STPG2: variants seen among roughly 807,000 people sequenced by gnomAD.
STPG2 encodes sperm-tail PG-rich repeat-containing protein 2.
Under a neutral mutation model 54.2 loss-of-function variants are expected in STPG2, and 56 were observed. That is an observed-to-expected ratio of 1.03 (90% CI 0.83 to 1.29). The LOEUF is 1.29. Ranked by LOEUF, STPG2 falls within the 50% of genes most tolerant of loss-of-function variation. STPG2 has a pLI of 0.00. For synonymous variants in STPG2, 200 were observed against 181.8 expected (o/e 1.10, Z -0.81); for missense variants, 596 against 544.9 (o/e 1.09, Z -0.93).
intron 4 of STPG2, among the ~76,000 whole-genome samples, chr4:97,514,053 G>A (rs1731027186): frequency 6.6e-6 from 1 of 152,140 alleles, no homozygotes; most frequent in Non-Finnish European, 1.5e-5. Context: ...GACAAAATCA[G>A]TTGCCACTGA....
chr4:97,703,162 A>G (rs971498268), intron 10 of STPG2, among the ~76,000 whole-genome samples: 28 of 152,072 alleles, frequency 1.8e-4, no homozygotes, highest in South Asian at 1.0e-3. Context: ...TGTCAAATGC[A>G]TTTATTTTGC....
intron 9 of STPG2, among the ~76,000 whole-genome samples, chr4:97,826,199 C>G (rs112551468): frequency 1.1e-4 from 17 of 152,220 alleles, no homozygotes; most frequent in Non-Finnish European, 1.5e-5. Context: ...CAGTGTAACA[C>G]GTAGTTGAGA....
In STPG2 at chr4:97,909,946, GATA is replaced by G. The variant is rs1322637932; in HGVS notation, c.1044+33948_1044+33950del. Reference sequence around the variant, plus strand: ...TGCCAATGCCACTACACTAAAACATGATAATAATAATAATATTCATAGGATTTG... The same window carrying G: ...TGCCAATGCCACTACACTAAAACATGATAATAATAATATTCATAGGATTTG... On this transcript the variant is annotated intron_variant, in intron 8 of 10. Coordinates refer to ENST00000295268, the MANE Select transcript of STPG2 (RefSeq NM_174952.3). 2.6e-5 allele frequency among the ~76,000 whole-genome samples: 4 copies of G among 151,980 alleles called. No homozygotes were observed. The East Asian group carries it at 5.8e-4, about 22-fold the overall frequency.
intron 10 of STPG2, among the ~76,000 whole-genome samples, chr4:97,563,677 T>A (rs905493307): frequency 2.0e-5 from 3 of 152,222 alleles, no homozygotes; most frequent in Non-Finnish European, 4.4e-5. Context: ...TCTTTATTTC[T>A]GCCTTCATTT....
At chr4:98,082,421 T>C (rs561524031) in intron 5 of STPG2, among the ~76,000 whole-genome samples, 2 of 140,210 alleles carry the variant, frequency 1.4e-5, no homozygotes, top group South Asian at 2.6e-4. Context: ...ATCTTTCCCA[T>C]GTGCAGGTCC....
chr4:98,026,947 C>T (rs1736442836), intron 5 of STPG2, among the ~76,000 whole-genome samples: 1 of 152,278 alleles, frequency 6.6e-6, no homozygotes, highest in South Asian at 2.1e-4. Flanking sequence ...TCAACATTCA[C>T]ATTATTGGTG....
At chr4:97,619,824 A>ATTT (rs113041695) in intron 10 of STPG2, among the ~76,000 whole-genome samples, 4 of 130,320 alleles carry the variant, frequency 3.1e-5, no homozygotes, top group Non-Finnish European at 6.9e-5. Context: ...TTCTTTTTCT[A>ATTT]TTTTTTTTTT....
chr4:98,092,583 A>G (rs1031422901), intron 5 of STPG2, among the ~76,000 whole-genome samples: 12 of 152,042 alleles, frequency 7.9e-5, no homozygotes, highest in African/African-American at 2.9e-4. Context: ...AAACACAGAA[A>G]GTTTTAAATT....
chr4:98,073,427 G>GA (rs5860521), intron 5 of STPG2, among the ~76,000 whole-genome samples: 60,138 of 151,862 alleles, frequency 0.4, 12,160 homozygotes, highest in Middle Eastern at 0.46. Context: ...TTTGATGATA[G>GA]AAAAAATAAT....
intron 10 of STPG2, among the ~76,000 whole-genome samples, chr4:97,709,061 C>T (rs1400196176): frequency 6.6e-6 from 1 of 151,686 alleles, no homozygotes; most frequent in East Asian, 1.9e-4. Context: ...GTTTATCAAT[C>T]TAAAATGTGA....
chr4:97,582,866 C>CTA (rs1426328337), intron 10 of STPG2, among the ~76,000 whole-genome samples: 2 of 151,952 alleles, frequency 1.3e-5, no homozygotes, highest in Non-Finnish European at 2.9e-5. Context: ...ATGTGAAATG[C>CTA]TATCATAAGC....
intron 9 of STPG2, among the ~76,000 whole-genome samples, chr4:97,790,782 T>G (rs1445888794): frequency 6.6e-6 from 1 of 152,174 alleles, no homozygotes; most frequent in East Asian, 1.9e-4. Context: ...TGGGCCCACC[T>G]GAATAGTCCA....
At chr4:97,870,105 C>G (rs1465350657) in intron 8 of STPG2, among the ~76,000 whole-genome samples, 1 of 151,574 alleles carries the variant, frequency 6.6e-6, no homozygotes, top group Non-Finnish European at 1.5e-5. Flanking sequence ...AACTTCTGCC[C>G]TGTCCTCTCT....
chr4:97,468,492 A>C (rs1206619091), intron 4 of STPG2, among the ~76,000 whole-genome samples: 1 of 151,974 alleles, frequency 6.6e-6, no homozygotes, highest in South Asian at 2.1e-4. Context: ...AGCATCAGTC[A>C]TCTCCTTTTG....
At chr4:97,456,891 C>CAAAA (rs57563048) in intron 4 of STPG2, among the ~76,000 whole-genome samples, 33 of 48,888 alleles carry the variant, frequency 6.8e-4, no homozygotes, top group African/African-American at 3.3e-3. Context: ...TGCTCCGTCT[C>CAAAA]AAAAAAAAAA....
In STPG2 at chr4:97,478,769, T is replaced by C. The variant is rs138030246; in HGVS notation, c.462+233930A>G. Among the ~76,000 whole-genome samples, 280 of 152,100 alleles carry C rather than the reference T, an allele frequency of 1.8e-3. 1 individual carries two copies. Among genetic ancestry groups the C allele is most frequent in the African/African-American group, 6.4e-3 (267 of 41,544 alleles). On this transcript the variant is annotated intron_variant, in intron 4 of 4. Transcript: ENST00000522676. ...TGACTAAAAAAAATGAGGAAGGGCT[T>C]GTTAACTGTATCGCTAGACTTACCA... is the stretch of plus-strand genomic sequence containing the variant.
At chr4:97,692,520 A>G (rs1299905344) in intron 10 of STPG2, among the ~76,000 whole-genome samples, 1 of 152,178 alleles carries the variant, frequency 6.6e-6, no homozygotes, top group African/African-American at 2.4e-5. Flanking sequence ...TAAAAAATGT[A>G]CAAAGCCTCC....
In STPG2 at chr4:97,981,182, T is replaced by C; in HGVS notation, c.749A>G (p.Asp250Gly). 1 of 1,614,016 alleles carries C rather than the reference T, an allele frequency of 6.2e-7. No individual in the cohort carries two copies. Among genetic ancestry groups the C allele is most frequent in the African/African-American group, 1.3e-5 (1 of 75,060 alleles). ...ACCTGGCATTTCCTCTGTCCTGATG[T>C]CCTGTGTGAATCGAACAGCACTTTG... The part of the protein sequence containing the change: ...FGQSAVRFTQ[D>G]IRTEEMPGPG... The change falls in exon 6 of 11, where the codon GAC becomes GGC. Residue 250 changes from aspartate to glycine, a missense_variant. By Grantham distance (94) the Asp-to-Gly change is moderately conservative. Transcript: ENST00000295268.
At chr4:98,034,458 C>G (rs1362434684) in intron 5 of STPG2, among the ~76,000 whole-genome samples, 5 of 152,114 alleles carry the variant, frequency 3.3e-5, no homozygotes, top group African/African-American at 1.2e-4. Context: ...AGGACACAAA[C>G]AAATGGAAGA....
Sources: gnomAD v4.1 joint callset for allele counts (sites outside exome capture counted in the v4.1 genomes callset) on GRCh38, gnomAD v4.1.1 for gene constraint, MANE v1.5 for transcripts, NCBI Gene and HGNC (gene_info 2026-07-23, HGNC 2026-07-21) for gene names.